The following PSD2 variants were observed in gnomAD, a reference collection of about 807,000 sequenced individuals.
PSD2 encodes the protein PH and SEC7 domain-containing protein 2.
In PSD2, 38 loss-of-function variants were observed where a neutral mutation model predicts 69.8. The observed-to-expected ratio is 0.54, with a 90% confidence interval of 0.42 to 0.71. PSD2 has a LOEUF of 0.71. Ranked by LOEUF, PSD2 falls within the 30% of genes least tolerant of loss-of-function variation. The probability of loss-of-function intolerance (pLI) is 0.00; values close to 1 mark genes in which losing one functional copy is unlikely to be tolerated. For missense variants in PSD2, 943 were observed against 1,014.5 expected (o/e 0.93, Z 0.96); for synonymous variants, 412 against 423.0 (o/e 0.97, Z 0.32).
chr5:139,757,318 C>T, the PSD2 span, among the ~76,000 whole-genome samples: 3 of 152,250 alleles, frequency 2.0e-5, no homozygotes, highest in Non-Finnish European at 4.4e-5. Context: ...TCACCTGCCA[C>T]CACCACCCCA....
chr5:139,830,602 T>TTC (rs1430358400), intron 7 of PSD2, among the ~76,000 whole-genome samples: 4 of 128,562 alleles, frequency 3.1e-5, no homozygotes, highest in Admixed American at 3.1e-4. Context: ...TTTTCTTTCT[T>TTC]TCTTTCTCTT....
Position 139,839,945 on chromosome 5 carries a change from G to C in PSD2, c.1969-82G>C. ...TAGGCCTTCATTTCCCTTTGGTGGA[G>C]CAGCTCCTGGTAGAACAGGATTTGA... On this transcript the variant is annotated intron_variant, in intron 13 of 14. Coordinates refer to ENST00000274710, the MANE Select transcript of PSD2 (RefSeq NM_032289.4). This position sits in a 1 kb window ranked among gnomAD's most constrained non-coding sequence, Gnocchi z 5.1. 2 of 1,495,036 alleles carry C rather than the reference G, an allele frequency of 1.3e-6. No homozygotes were observed. Among genetic ancestry groups the C allele is most frequent in the South Asian group, 1.2e-5 (1 of 82,142 alleles). The allele number at this position is 1,495,036 out of a possible 1,614,324, so 92.6% of individuals were successfully genotyped here. A position where few individuals can be genotyped will look rare whatever the true frequency, so the allele number is the denominator to read the frequency against.
At chr5:139,840,231 G>C in intron 14 of PSD2, 61 bp downstream of exon 14, 2 of 1,582,990 alleles carry the variant, frequency 1.3e-6, no homozygotes, top group Non-Finnish European at 1.7e-6. Flanking sequence ...TTCCTGCCTG[G>C]CCTGATGTGG....
the PSD2 span, among the ~76,000 whole-genome samples, chr5:139,774,732 C>T: frequency 6.6e-6 from 1 of 152,126 alleles, no homozygotes; most frequent in South Asian, 2.1e-4. Context: ...CCTCGTGATC[C>T]GCCCACCTCG....
At chr5:139,753,105 C>T in the PSD2 span, among the ~76,000 whole-genome samples, 3 of 152,166 alleles carry the variant, frequency 2.0e-5, no homozygotes, top group Non-Finnish European at 2.9e-5. Context: ...CATCAGCAAA[C>T]TCAGTGTTAC....
At chr5:139,785,254 T>G in the PSD2 span, among the ~76,000 whole-genome samples, 1 of 150,286 alleles carries the variant, frequency 6.7e-6, no homozygotes, top group African/African-American at 2.5e-5. Context: ...TTTCAGGGTC[T>G]GCTCTGTTGC....
chr5:139,809,279 G>T (rs1759888717), intron 1 of PSD2, 112 bp from the exon 2 acceptor site: 5 of 805,248 alleles, frequency 6.2e-6, no homozygotes, highest in Non-Finnish European at 9.6e-6. Flanking sequence ...AGGTCATCTT[G>T]GCCATCTCCC....
the PSD2 span, among the ~76,000 whole-genome samples, chr5:139,748,681 A>G: frequency 1.2e-4 from 19 of 152,168 alleles, no homozygotes; most frequent in Non-Finnish European, 7.4e-5. Context: ...CTCGAAGAGA[A>G]CAAAGGCCGG....
Position 139,842,479 on chromosome 5 carries a change from C to T in PSD2, c.*5C>T. The stretch of plus-strand genomic sequence containing the variant: ...GCCACTGGGCCTGATACTTAGCTGA[C>T]ATGGATTTGCAGACCCCAGGGTGGG... On this transcript the variant is annotated 3_prime_UTR_variant, in exon 15 of 15. Coordinates refer to ENST00000274710, the MANE Select transcript of PSD2 (RefSeq NM_032289.4). The T allele has an allele frequency of 1.2e-6, 2 of 1,610,998 alleles. No homozygotes were observed. Among genetic ancestry groups the T allele is most frequent in the African/African-American group, 2.7e-5 (2 of 74,996 alleles).
At chr5:139,772,153 CAG>C in the PSD2 span, among the ~76,000 whole-genome samples, 2 of 152,126 alleles carry the variant, frequency 1.3e-5, no homozygotes, top group Admixed American at 6.5e-5. Context: ...AGTGGAAGGG[CAG>C]CTGGGTGGGA....
chr5:139,766,456 C>T, the PSD2 span, among the ~76,000 whole-genome samples: 1 of 152,178 alleles, frequency 6.6e-6, no homozygotes, highest in African/African-American at 2.4e-5. Flanking sequence ...GGCACCCTCT[C>T]CCTGTCCCAC....
chr5:139,809,256 A>G, intron 1 of PSD2, 135 bp from the exon 2 acceptor site: 3 of 680,050 alleles, frequency 4.4e-6, no homozygotes, highest in Non-Finnish European at 7.3e-6. Flanking sequence ...CTCCAGCTGG[A>G]AGGGCCCCGA....
In PSD2 at chr5:139,843,765, AG is replaced by A. The variant is rs1386607553; in HGVS notation, c.*1292del. On this transcript the variant is annotated 3_prime_UTR_variant, in exon 15 of 15. Transcript: ENST00000274710. The stretch of plus-strand genomic sequence containing the variant: ...GCCACTTGACGATCACGGATTAGCT[AG>A]CACCTTTAAGCCCTGCATTTCTCCA... The A allele has an allele frequency of 6.6e-6, 1 of 152,252 alleles. No homozygotes were observed. The highest frequency in any genetic ancestry group is 2.4e-5 in the African/African-American group (1 of 41,460). 9.4% of individuals were successfully genotyped at this position (152,252 alleles called of 1,614,324 possible).
chr5:139,755,201 G>T, the PSD2 span, among the ~76,000 whole-genome samples: 4 of 152,192 alleles, frequency 2.6e-5, no homozygotes, highest in Non-Finnish European at 4.4e-5. Flanking sequence ...TGGATCCTCT[G>T]GGGTCTGTGT....
intron 9 of PSD2, among the ~76,000 whole-genome samples, 163 bp downstream of exon 9, chr5:139,835,929 C>T (rs920477569): frequency 1.3e-5 from 2 of 152,144 alleles, no homozygotes; most frequent in African/African-American, 4.8e-5. Flanking sequence ...GTTGAATTCC[C>T]CTTTGGATTC....
chr5:139,813,147 T>A (rs958335698), intron 2 of PSD2, among the ~76,000 whole-genome samples, 162 bp from the exon 3 acceptor site: 5 of 152,218 alleles, frequency 3.3e-5, no homozygotes, highest in African/African-American at 1.2e-4. Context: ...CAGCCTGGTG[T>A]CTGGCACCTT....
Position 139,833,722 on chromosome 5 carries a change from C to A in PSD2, c.1290C>A (p.Ser430=). Residue 430 remains serine (S), a synonymous_variant, in exon 8 of 15, where the codon TCC becomes TCA. Transcript: ENST00000274710. ...LHGHNIGKKM[S]CQQFIANLDQ... ...TACAGAACATTGGCAAAAAGATGTC[C>A]TGTCAGCAATTCATTGCCAACTTGG... The A allele has an allele frequency of 6.2e-7, 1 of 1,613,960 alleles. No individual in the cohort carries two copies. The highest frequency in any genetic ancestry group is 8.5e-7 in the Non-Finnish European group (1 of 1,179,834).
At chr5:139,816,787 T>A (rs968066979) in intron 4 of PSD2, among the ~76,000 whole-genome samples, 9 of 152,352 alleles carry the variant, frequency 5.9e-5, no homozygotes, top group African/African-American at 2.2e-4. Context: ...CCAGCTTGTC[T>A]GTGCCCTCTC....
At chr5:139,761,997 A>G in the PSD2 span, among the ~76,000 whole-genome samples, 1 of 152,210 alleles carries the variant, frequency 6.6e-6, no homozygotes, top group Non-Finnish European at 1.5e-5. Context: ...ATCAAGGATA[A>G]TAATAATGCC....
Sources: gnomAD v4.1 joint callset for allele counts (sites outside exome capture counted in the v4.1 genomes callset) on GRCh38, gnomAD v4.1.1 for gene constraint, Gnocchi (gnomAD v3.1) non-coding constraint, MANE v1.5 for transcripts, NCBI Gene and HGNC (gene_info 2026-07-23, HGNC 2026-07-21) for gene names.